The following RBPJ variants were observed in gnomAD, a reference collection of about 807,000 sequenced individuals.
RBPJ encodes recombining binding protein suppressor of hairless.
RBPJ carries 9 observed loss-of-function variants against 67.8 expected under a neutral mutation model. The ratio of observed to expected loss-of-function variants is 0.13; its 90% CI spans 0.08 to 0.23. RBPJ has a LOEUF of 0.23. Among genes scored for constraint, RBPJ ranks in the 10% least tolerant of loss-of-function variants. RBPJ has a pLI of 1.00. For missense variants in RBPJ, 305 were observed against 595.6 expected (o/e 0.51, Z 5.08); for synonymous variants, 198 against 203.3 (o/e 0.97, Z 0.22).
upstream of RBPJ, among the ~76,000 whole-genome samples, chr4:26,316,066 G>A (rs1722598956): frequency 1.3e-5 from 2 of 151,956 alleles, no homozygotes; most frequent in Admixed American, 1.3e-4. Flanking sequence ...GTGGTCCTGA[G>A]GTGACGTACA....
At chr4:26,178,727 G>A (rs1272037216) in intron 1 of RBPJ, among the ~76,000 whole-genome samples, 5 of 150,076 alleles carry the variant, frequency 3.3e-5, no homozygotes, top group Admixed American at 2.0e-4. Context: ...CCCACCATGC[G>A]ATGTAATTCC....
intron 1 of RBPJ, among the ~76,000 whole-genome samples, chr4:26,279,411 G>A (rs1721185146): frequency 6.6e-6 from 1 of 152,154 alleles, no homozygotes; most frequent in Non-Finnish European, 1.5e-5. Flanking sequence ...CCCCCGAGTA[G>A]TTGGGACTAC....
intron 1 of RBPJ, among the ~76,000 whole-genome samples, chr4:26,359,985 C>A (rs1300391481): frequency 2.6e-5 from 4 of 152,096 alleles, no homozygotes; most frequent in African/African-American, 9.7e-5. Flanking sequence ...ACAAAATAAT[C>A]AGAATTTAGT....
chr4:26,279,053 T>A lies in RBPJ; in HGVS notation c.-166-83393T>A, dbSNP rs182474342. Among the ~76,000 whole-genome samples, 144 of 152,274 alleles carry A rather than the reference T, an allele frequency of 9.5e-4. 1 individual carries two copies. The highest frequency in any genetic ancestry group is 3.4e-3 in the African/African-American group (141 of 41,532). On this transcript the variant is annotated intron_variant, in intron 1 of 4. Transcript: ENST00000512351. ...AAATAACAGTAGCTATTTCATAGGATCATGTTGAGAACTAAATAAGATAAT... is the reference window on the plus strand; with the variant it reads ...AAATAACAGTAGCTATTTCATAGGAACATGTTGAGAACTAAATAAGATAAT...
chr4:26,173,956 G>C (rs1560197146), intron 1 of RBPJ, among the ~76,000 whole-genome samples: 1 of 152,210 alleles, frequency 6.6e-6, no homozygotes. Context: ...CACTGAGGAA[G>C]GAGACTGGGA....
At chr4:26,165,417 G>A (rs1285266196) in intron 1 of RBPJ, among the ~76,000 whole-genome samples, 2 of 152,188 alleles carry the variant, frequency 1.3e-5, no homozygotes, top group Non-Finnish European at 2.9e-5. Flanking sequence ...TCATTTCATA[G>A]ATGAAGTTAC....
upstream of RBPJ, among the ~76,000 whole-genome samples, chr4:26,317,965 C>A (rs1488444775): frequency 4.6e-5 from 7 of 152,180 alleles, no homozygotes; most frequent in African/African-American, 1.2e-4. Context: ...GACTGAAATA[C>A]CTTCTTGGGA....
At chr4:26,367,451 C>G (rs1307853634) in intron 1 of RBPJ, among the ~76,000 whole-genome samples, 1 of 152,164 alleles carries the variant, frequency 6.6e-6, no homozygotes, top group African/African-American at 2.4e-5. Flanking sequence ...GCCTGGGCAA[C>G]AGAGCAAGAC....
chr4:26,248,969 A>C (rs1277036543), intron 1 of RBPJ, among the ~76,000 whole-genome samples: 2 of 152,234 alleles, frequency 1.3e-5, no homozygotes, highest in African/African-American at 2.4e-5. Context: ...AGACTAATAG[A>C]AAGTCTTGAT....
chr4:26,357,217 G>A (rs1727476854), intron 1 of RBPJ, among the ~76,000 whole-genome samples: 1 of 152,200 alleles, frequency 6.6e-6, no homozygotes, highest in Non-Finnish European at 1.5e-5. Flanking sequence ...TAATTGTGAA[G>A]GCTAGGCTTT....
intron 1 of RBPJ, among the ~76,000 whole-genome samples, chr4:26,191,079 T>C (rs1470981191): frequency 2.2e-5 from 3 of 135,372 alleles, no homozygotes; most frequent in Non-Finnish European, 4.5e-5. Flanking sequence ...ATGAGCCCAG[T>C]AGGTCAAGGC....
At chr4:26,145,258 T>G in the RBPJ span, among the ~76,000 whole-genome samples, 3 of 152,282 alleles carry the variant, frequency 2.0e-5, no homozygotes, top group East Asian at 5.8e-4. Context: ...TAAACTCTGT[T>G]GGAGTGGGTG....
chr4:26,130,684 T>C, the RBPJ span, among the ~76,000 whole-genome samples: 3 of 152,224 alleles, frequency 2.0e-5, no homozygotes, highest in Admixed American at 6.5e-5. Flanking sequence ...CCTTTTTCTA[T>C]GAGAAGAAAA....
At chr4:26,249,141 T>A (rs949919196) in intron 1 of RBPJ, among the ~76,000 whole-genome samples, 2 of 152,190 alleles carry the variant, frequency 1.3e-5, no homozygotes, top group African/African-American at 4.8e-5. Context: ...AGTGATAGCA[T>A]CTCGAAAGCA....
intron 1 of RBPJ, among the ~76,000 whole-genome samples, chr4:26,322,700 G>A (rs544525444): frequency 1.3e-5 from 2 of 151,894 alleles, no homozygotes; most frequent in Admixed American, 1.3e-4. Context: ...ATAGCCTGTA[G>A]TGAGATTATT....
the RBPJ span, among the ~76,000 whole-genome samples, chr4:26,139,195 C>A: frequency 6.6e-6 from 1 of 152,238 alleles, no homozygotes; most frequent in South Asian, 2.1e-4. Flanking sequence ...CCTCTAAGAA[C>A]CTCTTGGAGA....
intron 1 of RBPJ, among the ~76,000 whole-genome samples, chr4:26,244,224 C>CACATATATATAT (rs1719766295): frequency 7.1e-6 from 1 of 140,988 alleles, no homozygotes; most frequent in Admixed American, 7.4e-5. Flanking sequence ...CATATGTGTA[C>CACATATATATAT]ACATATATGT....
At chr4:26,270,407 A>AAGAAAGAAAGAAAGAAAGAAAG (rs1720860547) in intron 1 of RBPJ, among the ~76,000 whole-genome samples, 2 of 62,246 alleles carry the variant, frequency 3.2e-5, no homozygotes, top group African/African-American at 8.7e-5. Context: ...GAAAGAAAGA[A>AAGAAAGAAAGAAAGAAAGAAAG]AGAAAGAAAG....
chr4:26,392,924 TA>T (rs1258742600), intron 2 of RBPJ, among the ~76,000 whole-genome samples: 1 of 152,202 alleles, frequency 6.6e-6, no homozygotes. Context: ...AAGTTTTGTT[TA>T]TTTTTTTGTT....
Sources: gnomAD v4.1 joint callset for allele counts (sites outside exome capture counted in the v4.1 genomes callset) on GRCh38, gnomAD v4.1.1 for gene constraint, MANE v1.5 for transcripts, NCBI Gene and HGNC (gene_info 2026-07-23, HGNC 2026-07-21) for gene names.